The following CNTNAP2 variants were observed in gnomAD, a reference collection of about 807,000 sequenced individuals.
CNTNAP2 encodes contactin associated protein 2, also known as contactin-associated protein-like 2.
A neutral mutation model predicts 155.2 loss-of-function variants in CNTNAP2; 98 were observed. That is an observed-to-expected ratio of 0.63 (90% CI 0.54 to 0.75). The LOEUF is 0.75. Among genes scored for constraint, CNTNAP2 ranks in the 30% least tolerant of loss-of-function variants. The probability of loss-of-function intolerance (pLI) is 0.00; values close to 1 mark genes in which losing one functional copy is unlikely to be tolerated. For missense variants in CNTNAP2, 1,727 were observed against 1,688.1 expected (o/e 1.02, Z -0.40); for synonymous variants, 651 against 631.2 (o/e 1.03, Z -0.47).
chr7:147,954,256 A>T lies in CNTNAP2; in HGVS notation c.2256-23606A>T, dbSNP rs552042523. ...GTGCCTCTCACAGAGACCTCTGTAA[A>T]TCCTAAATTATCTTTTAAGACTTTG... On this transcript the variant is annotated intron_variant, in intron 14 of 23. Coordinates refer to ENST00000361727, the MANE Select transcript of CNTNAP2 (RefSeq NM_014141.6). Among the ~76,000 whole-genome samples the T allele has an allele frequency of 5.9e-5, 9 of 152,230 alleles. No homozygotes were observed. The South Asian group carries it at 8.3e-4, about 14-fold the overall frequency.
At chr7:147,312,052 T>A (rs1231443765) in intron 9 of CNTNAP2, among the ~76,000 whole-genome samples, 8 of 152,208 alleles carry the variant, frequency 5.3e-5, no homozygotes, top group African/African-American at 1.9e-4. Flanking sequence ...ATTGTTGAGT[T>A]TTTAAAAAGA....
chr7:148,173,893 T>C (rs1794880412), intron 18 of CNTNAP2, among the ~76,000 whole-genome samples: 1 of 152,180 alleles, frequency 6.6e-6, no homozygotes. Context: ...TAAGTACCAG[T>C]TTAAAGAAAA....
intron 1 of CNTNAP2, among the ~76,000 whole-genome samples, chr7:146,374,962 T>G (rs1407953517): frequency 1.3e-5 from 2 of 152,216 alleles, no homozygotes; most frequent in Non-Finnish European, 2.9e-5. Flanking sequence ...AGTTTATATA[T>G]TTCCCTGAAG....
intron 1 of CNTNAP2, among the ~76,000 whole-genome samples, chr7:146,459,553 T>G (rs1796606696): frequency 6.6e-6 from 1 of 152,172 alleles, no homozygotes; most frequent in African/African-American, 2.4e-5. Flanking sequence ...ATAAAGTGCA[T>G]GGAGTGTCAG....
At chr7:147,142,455 G>A (rs1382295460) in intron 8 of CNTNAP2, among the ~76,000 whole-genome samples, 1 of 152,148 alleles carries the variant, frequency 6.6e-6, no homozygotes, top group Non-Finnish European at 1.5e-5. Flanking sequence ...GCTTCTTGAT[G>A]TGCTGCTGGA....
intron 1 of CNTNAP2, among the ~76,000 whole-genome samples, chr7:146,547,819 G>A (rs548761804): frequency 2.0e-5 from 3 of 147,810 alleles, no homozygotes; most frequent in Non-Finnish European, 3.0e-5. Flanking sequence ...TTGGATAAAT[G>A]CTCACGGTGG....
chr7:146,476,902 T>C (rs1796885875), intron 1 of CNTNAP2, among the ~76,000 whole-genome samples: 1 of 152,152 alleles, frequency 6.6e-6, no homozygotes, highest in Admixed American at 6.5e-5. Flanking sequence ...ACACTGCCGC[T>C]TCCCAAAATT....
At chr7:147,872,946 G>T (rs185092813) in intron 13 of CNTNAP2, among the ~76,000 whole-genome samples, 5 of 152,350 alleles carry the variant, frequency 3.3e-5, no homozygotes, top group African/African-American at 1.2e-4. Flanking sequence ...TTTATGCACA[G>T]ATAAGAGATA....
intron 9 of CNTNAP2, among the ~76,000 whole-genome samples, chr7:147,375,616 T>C (rs533843694): frequency 6.6e-6 from 1 of 152,044 alleles, no homozygotes; most frequent in Non-Finnish European, 1.5e-5. Context: ...CATGATACAT[T>C]CTGCCTCTTG....
At chr7:147,475,844 A>G (rs1008424405) in intron 10 of CNTNAP2, among the ~76,000 whole-genome samples, 4 of 152,166 alleles carry the variant, frequency 2.6e-5, no homozygotes, top group Non-Finnish European at 4.4e-5. Context: ...ATGATAGCTG[A>G]TTGTCTTACA....
intron 10 of CNTNAP2, among the ~76,000 whole-genome samples, chr7:147,448,888 A>T (rs1481416023): frequency 6.6e-6 from 1 of 152,104 alleles, no homozygotes; most frequent in African/African-American, 2.4e-5. Flanking sequence ...AATTTCCCCT[A>T]TTGCTACTTG....
At chr7:147,427,335 C>G (rs926997383) in intron 10 of CNTNAP2, among the ~76,000 whole-genome samples, 2 of 152,060 alleles carry the variant, frequency 1.3e-5, no homozygotes, top group Non-Finnish European at 2.9e-5. Context: ...CACTGCAAAA[C>G]AGAAATCAGT....
intron 2 of CNTNAP2, among the ~76,000 whole-genome samples, chr7:146,795,318 C>A (rs1802749437): frequency 6.6e-6 from 1 of 152,042 alleles, no homozygotes; most frequent in Admixed American, 6.6e-5. Flanking sequence ...TCTTTTTGGC[C>A]CTGAGTTTAC....
intron 3 of CNTNAP2, among the ~76,000 whole-genome samples, chr7:146,948,875 G>A (rs932152689): frequency 2.0e-5 from 3 of 152,124 alleles, no homozygotes; most frequent in East Asian, 1.9e-4. Flanking sequence ...CTCACACTGT[G>A]TAATTCATGT....
intron 18 of CNTNAP2, among the ~76,000 whole-genome samples, chr7:148,178,935 G>A (rs1794989038): frequency 6.6e-6 from 1 of 152,172 alleles, no homozygotes; most frequent in Non-Finnish European, 1.5e-5. Flanking sequence ...TGATCCTTGA[G>A]TATTGGATTG....
chr7:147,387,987 C>T (rs1796651197), intron 9 of CNTNAP2, among the ~76,000 whole-genome samples: 1 of 152,046 alleles, frequency 6.6e-6, no homozygotes, highest in Non-Finnish European at 1.5e-5. Flanking sequence ...ACATGTATTA[C>T]TTAGTGTAGT....
intron 1 of CNTNAP2, among the ~76,000 whole-genome samples, chr7:146,747,691 T>A (rs1801832307): frequency 6.6e-6 from 1 of 152,204 alleles, no homozygotes; most frequent in Non-Finnish European, 1.5e-5. Flanking sequence ...CATTTTTAAA[T>A]GTACTATGTG....
chr7:147,083,044 G>C (rs1234729593), intron 4 of CNTNAP2: 1 of 152,098 alleles, frequency 6.6e-6, no homozygotes, highest in Non-Finnish European at 1.5e-5. Context: ...ATCCTCTCTC[G>C]CTGTAGCTGA....
intron 9 of CNTNAP2, among the ~76,000 whole-genome samples, chr7:147,300,951 G>A (rs1421241750): frequency 6.6e-6 from 1 of 152,126 alleles, no homozygotes; most frequent in Non-Finnish European, 1.5e-5. Context: ...AAGTCAGGAA[G>A]TTCTCCAGAT....
Sources: gnomAD v4.1 joint callset for allele counts (sites outside exome capture counted in the v4.1 genomes callset) on GRCh38, gnomAD v4.1.1 for gene constraint, MANE v1.5 for transcripts, NCBI Gene and HGNC (gene_info 2026-07-23, HGNC 2026-07-21) for gene names.